FCER1A: variants seen among roughly 807,000 people sequenced by gnomAD.
The protein encoded by FCER1A is high affinity immunoglobulin epsilon receptor subunit alpha.
FCER1A carries 24 observed loss-of-function variants against 23.6 expected under a neutral mutation model. The observed-to-expected ratio is 1.02, with a 90% CI of 0.74 to 1.43. FCER1A has a LOEUF of 1.43. FCER1A is among the 40% of genes most tolerant of loss of function. The pLI is 0.00. For missense variants in FCER1A, 318 were observed against 294.5 expected (o/e 1.08, Z -0.58); for synonymous variants, 121 against 108.8 (o/e 1.11, Z -0.70).
chr1:159,299,018 T>C (rs1652363711), upstream of FCER1A, among the ~76,000 whole-genome samples: 1 of 152,242 alleles, frequency 6.6e-6, no homozygotes, highest in South Asian at 2.1e-4. Context: ...TCTTAAGACA[T>C]ATTGCCAGGT....
chr1:159,294,116 T>C (rs1313195853), intron 1 of FCER1A, among the ~76,000 whole-genome samples: 1 of 152,210 alleles, frequency 6.6e-6, no homozygotes, highest in East Asian at 1.9e-4. Flanking sequence ...TTTACACTGT[T>C]GGTAGGATGG....
At chr1:159,287,396 A>G (rs1652042605), upstream of FCER1A, among the ~76,000 whole-genome samples, 1 of 152,130 alleles carries the variant, frequency 6.6e-6, no homozygotes, top group Non-Finnish European at 1.5e-5. Context: ...TCTTTCCCAT[A>G]CTTTACATAT....
intron 2 of FCER1A, among the ~76,000 whole-genome samples, chr1:159,303,149 G>C (rs561567292): frequency 6.6e-6 from 1 of 151,822 alleles, no homozygotes; most frequent in Non-Finnish European, 1.5e-5. Flanking sequence ...GCATGATCTC[G>C]CTCAATAATT....
At chr1:159,307,691 C>T (rs1389121765) in intron 4 of FCER1A, 57 bp from the exon 5 acceptor site, 1 of 1,354,862 alleles carries the variant, frequency 7.4e-7, no homozygotes, top group Non-Finnish European at 1.0e-6. Flanking sequence ...CTCTGAACCT[C>T]ATTTTTCAGT....
In FCER1A at chr1:159,306,197, T is replaced by C. The variant is rs1652609157; in HGVS notation, c.541T>C (p.Trp181Arg). The C allele has an allele frequency of 6.2e-7, 1 of 1,613,986 alleles. No homozygotes were observed. The highest frequency in any genetic ancestry group is 1.3e-5 in the African/African-American group (1 of 74,936). The change falls in exon 4 of 5, where the codon TGG becomes CGG. Residue 181 changes from tryptophan to arginine, a missense_variant. Trp to Arg is a moderately radical substitution (Grantham distance 101, BLOSUM62 -3). Transcript: ENST00000693622. ...SGTYYCTGKV[W>R]QLDYESEPLN... ...AACCTACTACTGTACGGGCAAAGTGTGGCAGCTGGACTATGAGTCTGAGCC... is the reference window on the plus strand; with the variant it reads ...AACCTACTACTGTACGGGCAAAGTGCGGCAGCTGGACTATGAGTCTGAGCC...
the FCER1A span, among the ~76,000 whole-genome samples, chr1:159,283,845 C>A: frequency 6.6e-6 from 1 of 152,092 alleles, no homozygotes; most frequent in Non-Finnish European, 1.5e-5. Context: ...AATCCCTCTG[C>A]CCCAAGTCTC....
At chr1:159,288,920 T>C (rs1014117462), upstream of FCER1A, among the ~76,000 whole-genome samples, 51 of 152,172 alleles carry the variant, frequency 3.4e-4, no homozygotes, top group African/African-American at 1.0e-3. Flanking sequence ...TTCTGAGGGG[T>C]TCGGGCTTCT....
chr1:159,292,442 A>G (rs140276247), intron 1 of FCER1A, among the ~76,000 whole-genome samples: 444 of 152,230 alleles, frequency 2.9e-3, no homozygotes, highest in Non-Finnish European at 3.6e-3. Context: ...ATCATATTTT[A>G]TACTTTCTGT....
intron 3 of FCER1A, 80 bp downstream of exon 3, chr1:159,304,262 C>G: frequency 7.0e-7 from 1 of 1,419,258 alleles, no homozygotes; most frequent in Non-Finnish European, 9.8e-7. Context: ...CAGGTTATTC[C>G]AAGGGTTAGG....
At chr1:159,289,665 T>A (rs1335472636), upstream of FCER1A, 1 of 152,196 alleles carries the variant, frequency 6.6e-6, no homozygotes, top group East Asian at 1.9e-4. Context: ...TAATTTTGAT[T>A]TTATAAAATT....
At chr1:159,289,967 G>A (rs1214491892) in intron 1 of FCER1A, among the ~76,000 whole-genome samples, 2 of 152,112 alleles carry the variant, frequency 1.3e-5, no homozygotes, top group African/African-American at 2.4e-5. Context: ...TCAGATTGTG[G>A]TAGTGTAACC....
chr1:159,291,548 T>C (rs1652153801), intron 1 of FCER1A, among the ~76,000 whole-genome samples: 1 of 152,176 alleles, frequency 6.6e-6, no homozygotes, highest in South Asian at 2.1e-4. Context: ...TCAAGAAAGA[T>C]TTAAATTGAA....
Position 159,302,834 on chromosome 1 carries a change from T to C in FCER1A, c.56-20T>C, listed in dbSNP as rs769647822. The C allele has an allele frequency of 6.2e-7, 1 of 1,612,622 alleles. No individual in the cohort carries two copies. The highest frequency in any genetic ancestry group is 8.5e-7 in the Non-Finnish European group (1 of 1,178,580). The stretch of plus-strand genomic sequence containing the variant: ...AAGAAGACTGCTGGACACTAATGTA[T>C]CCTCTCTGGACTTTTGCAGCTCCAG... On this transcript the variant is annotated intron_variant, in intron 1 of 4. Coordinates refer to ENST00000693622, the MANE Select transcript of FCER1A (RefSeq NM_001387280.1).
chr1:159,303,243 A>C (rs1450949934), intron 2 of FCER1A, among the ~76,000 whole-genome samples: 1 of 152,088 alleles, frequency 6.6e-6, no homozygotes, highest in Non-Finnish European at 1.5e-5. Flanking sequence ...AAGGAACTGG[A>C]TTTCAACGTA....
At chr1:159,295,998 A>G (rs973662400) in intron 1 of FCER1A, among the ~76,000 whole-genome samples, 2 of 152,236 alleles carry the variant, frequency 1.3e-5, no homozygotes, top group Non-Finnish European at 2.9e-5. Context: ...TGATATTACA[A>G]TATCTCTGTC....
At chr1:159,299,103 T>C (rs1652365499), upstream of FCER1A, among the ~76,000 whole-genome samples, 1 of 152,220 alleles carries the variant, frequency 6.6e-6, no homozygotes, top group African/African-American at 2.4e-5. Context: ...TTTGATTTCC[T>C]TATTCTTAAC....
chr1:159,307,922 A>G lies in FCER1A; in HGVS notation c.764A>G (p.Lys255Arg). The G allele has an allele frequency of 6.3e-7, 1 of 1,591,086 alleles. No homozygotes were observed. Among genetic ancestry groups the G allele is most frequent in the Non-Finnish European group, 8.6e-7 (1 of 1,163,990 alleles). ...AACCCACATCCTAAGCCAAACCCCA[A>G]AAACAACTGATATAATTACTCAAGA... is the stretch of plus-strand genomic sequence containing the variant. Reference protein sequence around the residue: ...LLNPHPKPNPKNN With the variant: ...LLNPHPKPNPRNN Residue 255 changes from lysine (K) to arginine (R), a missense_variant, in exon 5 of 5, where the codon AAA (lysine) becomes AGA (arginine). Coordinates refer to ENST00000693622, the MANE Select transcript of FCER1A (RefSeq NM_001387280.1).
chr1:159,289,021 A>T (rs1652083797), upstream of FCER1A, among the ~76,000 whole-genome samples: 1 of 152,056 alleles, frequency 6.6e-6, no homozygotes, highest in Non-Finnish European at 1.5e-5. Flanking sequence ...TATGATAAAA[A>T]CTCATTAGGA....
chr1:159,299,795 C>G (rs887076293), upstream of FCER1A, among the ~76,000 whole-genome samples: 17 of 151,894 alleles, frequency 1.1e-4, no homozygotes, highest in Non-Finnish European at 2.5e-4. Flanking sequence ...GATAAAAAAC[C>G]TGTGGCATTC....
Sources: gnomAD v4.1 joint callset for allele counts (sites outside exome capture counted in the v4.1 genomes callset) on GRCh38, gnomAD v4.1.1 for gene constraint, MANE v1.5 for transcripts, NCBI Gene and HGNC (gene_info 2026-07-23, HGNC 2026-07-21) for gene names.